SNAP25: variants seen among roughly 807,000 people sequenced by gnomAD.
The protein encoded by SNAP25 is synaptosome associated protein 25.
Under a neutral mutation model 28.7 loss-of-function variants are expected in SNAP25, and 3 were observed. That is an observed-to-expected ratio of 0.10 (90% CI 0.05 to 0.27). SNAP25 has a LOEUF of 0.27. SNAP25 is among the 10% of genes least tolerant of loss of function. The probability of loss-of-function intolerance (pLI) is 1.00; values close to 1 mark genes in which losing one functional copy is unlikely to be tolerated. For missense variants in SNAP25, 117 were observed against 278.7 expected, an observed-to-expected ratio of 0.42 and a Z score of 4.13; for synonymous variants, 61 against 88.1, an observed-to-expected ratio of 0.69 and a Z score of 1.72.
rs363049 is a variant in SNAP25 at position 10,251,337 on chromosome 20, C to T, written c.-63-24092C>T. 1.3e-3 allele frequency among the ~76,000 whole-genome samples: 198 copies of T among 152,234 alleles called. 2 individuals are homozygous for T. The highest frequency in any genetic ancestry group is 0.01 in the Admixed American group (155 of 15,292). On this transcript the variant is annotated intron_variant, in intron 1 of 7. Transcript: ENST00000254976. Reference sequence around the variant, plus strand: ...CCAAAGTAGCATGAAGCAAGAAATACTGGGAAGGATACCTGAGAACCACAC... The same window carrying T: ...CCAAAGTAGCATGAAGCAAGAAATATTGGGAAGGATACCTGAGAACCACAC...
intron 1 of SNAP25, among the ~76,000 whole-genome samples, chr20:10,258,219 A>G (rs181576872): frequency 6.6e-6 from 1 of 152,292 alleles, no homozygotes; most frequent in East Asian, 1.9e-4. Flanking sequence ...TGACACTTTT[A>G]TTGCTCCGTA....
chr20:10,270,436 C>T (rs1489685877), intron 1 of SNAP25, among the ~76,000 whole-genome samples: 4 of 152,034 alleles, frequency 2.6e-5, no homozygotes, highest in African/African-American at 4.8e-5. Flanking sequence ...CGATGGCTCA[C>T]GCCTGTAATA....
chr20:10,233,095 C>T (rs972695372), intron 1 of SNAP25, among the ~76,000 whole-genome samples: 1 of 152,168 alleles, frequency 6.6e-6, no homozygotes, highest in Non-Finnish European at 1.5e-5. Context: ...AAACAGTCCA[C>T]AGTGGCTGAA....
intron 1 of SNAP25, among the ~76,000 whole-genome samples, chr20:10,223,117 G>A (rs558849665): frequency 1.9e-4 from 29 of 152,282 alleles, no homozygotes; most frequent in Non-Finnish European, 2.5e-4. Context: ...CCAGCCCCAA[G>A]TGGCTAAAAA....
chr20:10,288,312 A>T (rs1449637388), intron 4 of SNAP25, among the ~76,000 whole-genome samples: 4 of 152,158 alleles, frequency 2.6e-5, no homozygotes, highest in Non-Finnish European at 5.9e-5. Context: ...CTTAGGAAAG[A>T]TTTAGAATAG....
intron 1 of SNAP25, among the ~76,000 whole-genome samples, chr20:10,259,229 TA>T (rs1324229108): frequency 6.6e-6 from 1 of 152,244 alleles, no homozygotes; most frequent in Non-Finnish European, 1.5e-5. Flanking sequence ...ATTATCAGAT[TA>T]ATCTGAGGAA....
chr20:10,257,502 T>C (rs1462752641), intron 1 of SNAP25, among the ~76,000 whole-genome samples: 1 of 151,998 alleles, frequency 6.6e-6, no homozygotes, highest in East Asian at 1.9e-4. Flanking sequence ...CACCTGAGGT[T>C]GGGAGTTCGA....
In SNAP25 at chr20:10,298,963, C is replaced by T. The variant is rs363002; in HGVS notation, c.408-305C>T. On this transcript the variant is annotated intron_variant, in intron 6 of 7. Coordinates refer to ENST00000254976, the MANE Select transcript of SNAP25 (RefSeq NM_130811.4). ...TCCTTTCAAAGAAAATGTTTTCATC[C>T]TTAAACAATAAAAATTGAAATAAAC... Among the ~76,000 whole-genome samples, 16,818 of 151,952 alleles carry T rather than the reference C, an allele frequency of 0.11. 1,171 individuals carry two copies. The highest frequency in any genetic ancestry group is 0.18 in the East Asian group (952 of 5,168).
chr20:10,271,540 G>T (rs185718919), intron 1 of SNAP25, among the ~76,000 whole-genome samples: 1 of 152,232 alleles, frequency 6.6e-6, no homozygotes, highest in African/African-American at 2.4e-5. Flanking sequence ...TGAAAGTGAT[G>T]AAACCAAGGG....
intron 1 of SNAP25, among the ~76,000 whole-genome samples, chr20:10,238,665 T>G (rs3787297): frequency 6.6e-6 from 1 of 151,922 alleles, no homozygotes; most frequent in African/African-American, 2.4e-5. Context: ...ATCCCAGCAC[T>G]TTGAGAGGCC....
chr20:10,244,641 CTGTG>C (rs1214742679), intron 1 of SNAP25, among the ~76,000 whole-genome samples: 1 of 152,030 alleles, frequency 6.6e-6, no homozygotes, highest in Non-Finnish European at 1.5e-5. Flanking sequence ...CTGTGTGAGA[CTGTG>C]TGAAAGGTGA....
intron 1 of SNAP25, among the ~76,000 whole-genome samples, chr20:10,260,723 A>AC (rs1491138035): frequency 0.016 from 2,267 of 145,616 alleles, 70 homozygotes; most frequent in African/African-American, 0.056. Flanking sequence ...ACACACACAC[A>AC]AACACACACA....
At position 10,275,491 on chromosome 20, in the gene SNAP25, C is replaced by A. The variant is rs11547867; in HGVS notation, c.-1C>A. On this transcript the variant is annotated 5_prime_UTR_variant, in exon 2 of 8. Coordinates refer to ENST00000254976, the MANE Select transcript of SNAP25 (RefSeq NM_130811.4). ...GCGCCCAGCCACTCCCCACCGCTAC[C>A]ATGGCCGAAGACGCAGACATGCGCA... The A allele has an allele frequency of 6.2e-7, 1 of 1,603,356 alleles. No individual in the cohort carries two copies. The highest frequency in any genetic ancestry group is 1.1e-5 in the South Asian group (1 of 88,598).
intron 2 of SNAP25, among the ~76,000 whole-genome samples, chr20:10,277,019 C>T (rs938978107): frequency 1.3e-5 from 2 of 152,244 alleles, no homozygotes; most frequent in Admixed American, 6.5e-5. Flanking sequence ...AGAAATCACA[C>T]TGGTTGTTGG....
At chr20:10,296,879 G>T (rs200526835) in intron 5 of SNAP25, 46 bp from the exon 6 acceptor site, 1 of 1,610,434 alleles carries the variant, frequency 6.2e-7, no homozygotes, top group Non-Finnish European at 8.5e-7. Flanking sequence ...TTGAGAGCTT[G>T]CTCCTCCACC....
At chr20:10,256,825 T>C (rs1338974771) in intron 1 of SNAP25, among the ~76,000 whole-genome samples, 1 of 152,116 alleles carries the variant, frequency 6.6e-6, no homozygotes, top group Non-Finnish European at 1.5e-5. Flanking sequence ...ATTAGCCAAA[T>C]AAATCTTAAT....
chr20:10,295,589 T>C (rs1209083973), intron 5 of SNAP25, among the ~76,000 whole-genome samples: 8 of 152,158 alleles, frequency 5.3e-5, no homozygotes, highest in Non-Finnish European at 1.2e-4. Context: ...TCTCTAGGGT[T>C]GCTTGGCCCC....
intron 6 of SNAP25, among the ~76,000 whole-genome samples, chr20:10,297,744 T>A (rs1023026991): frequency 6.6e-6 from 1 of 152,204 alleles, no homozygotes; most frequent in African/African-American, 2.4e-5. Flanking sequence ...CCTCTTGCCC[T>A]GCAGTTTCAT....
rs139106907 is a variant in SNAP25 at position 10,302,327 on chromosome 20, A to G, written c.552+2915A>G. Among the ~76,000 whole-genome samples the G allele has an allele frequency of 2.7e-3, 417 of 152,348 alleles. 5 individuals carry two copies. Among genetic ancestry groups the G allele is most frequent in the African/African-American group, 9.4e-3 (392 of 41,584 alleles). ...AGGCTGATTCTTTAGCAGTCCTCACATTCTTCTATCAGTGAGAAAACACAG... is the reference window on the plus strand; with the variant it reads ...AGGCTGATTCTTTAGCAGTCCTCACGTTCTTCTATCAGTGAGAAAACACAG... On this transcript the variant is annotated intron_variant, in intron 7 of 7. Coordinates refer to ENST00000254976, the MANE Select transcript of SNAP25 (RefSeq NM_130811.4).
Sources: allele counts gnomAD v4.1 joint callset (sites outside exome capture counted in the v4.1 genomes callset), GRCh38; gene constraint gnomAD v4.1.1; transcripts MANE v1.5; gene names NCBI Gene and HGNC (gene_info 2026-07-23, HGNC 2026-07-21).